The following RUVBL1 variants were observed in gnomAD, a reference collection of about 807,000 sequenced individuals.
RUVBL1 encodes ruvB-like 1.
A neutral mutation model predicts 52.4 loss-of-function variants in RUVBL1; 4 were observed. The observed-to-expected ratio is 0.08, with a 90% CI of 0.04 to 0.17. RUVBL1 has a LOEUF of 0.17. Ranked by LOEUF, RUVBL1 falls within the 10% of genes least tolerant of loss-of-function variation. RUVBL1 has a pLI of 1.00. For synonymous variants in RUVBL1, 217 were observed against 214.4 expected, an observed-to-expected ratio of 1.01 and a Z score of -0.10; for missense variants, 298 against 572.8, an observed-to-expected ratio of 0.52 and a Z score of 4.90.
upstream of RUVBL1, among the ~76,000 whole-genome samples, chr3:128,124,239 G>A (rs978428738): frequency 6.6e-6 from 1 of 151,842 alleles, no homozygotes. Flanking sequence ...CATCTCCCTG[G>A]AAAGGCCCAG....
chr3:128,067,404 G>C lies in RUVBL1; in HGVS notation c.940-2184C>G. 6.2e-7 allele frequency: 1 copy of C among 1,603,386 alleles called. No homozygotes were observed. Among genetic ancestry groups the C allele is most frequent in the Non-Finnish European group, 8.5e-7 (1 of 1,175,824 alleles). ...AATGAAGGAGCACTCACATGCGTTT[G>C]GTTTCTTCTTCCCCAGGACACGTCT... On this transcript the variant is annotated intron_variant, in intron 9 of 9. Coordinates refer to the RUVBL1 transcript ENST00000464873. This position sits in a 1 kb window ranked among gnomAD's most constrained non-coding sequence, Gnocchi z 4.1.
At chr3:128,121,370 A>G (rs957890878) in intron 1 of RUVBL1, among the ~76,000 whole-genome samples, 2 of 150,194 alleles carry the variant, frequency 1.3e-5, no homozygotes, top group Admixed American at 6.6e-5. Context: ...TGCTGGGATT[A>G]CAGGTGTGAG....
chr3:128,152,742 A>C (rs767472268), intron 1 of RUVBL1, among the ~76,000 whole-genome samples: 60 of 152,242 alleles, frequency 3.9e-4, no homozygotes, highest in Non-Finnish European at 6.6e-4. Context: ...TGAGTGTTAA[A>C]GCTCTTAAAG....
chr3:128,067,340 C>A lies in RUVBL1; in HGVS notation c.940-2120G>T. The A allele has an allele frequency of 6.9e-7, 1 of 1,450,256 alleles. No homozygotes were observed. Among genetic ancestry groups the A allele is most frequent in the Non-Finnish European group, 9.4e-7 (1 of 1,063,980 alleles). 89.8% of individuals were successfully genotyped at this position (1,450,256 alleles called of 1,614,324 possible). ...GGCACCGAGTAAAATTGCATTCTTTCATCTGCTCAGAACTATTTTTGCCTT... is the reference window on the plus strand; with the variant it reads ...GGCACCGAGTAAAATTGCATTCTTTAATCTGCTCAGAACTATTTTTGCCTT... On this transcript the variant is annotated intron_variant, in intron 9 of 9. Coordinates refer to the RUVBL1 transcript ENST00000464873. This position sits in a 1 kb window ranked among gnomAD's most constrained non-coding sequence, Gnocchi z 4.1.
intron 3 of RUVBL1, among the ~76,000 whole-genome samples, chr3:128,109,506 C>A (rs1030414172): frequency 1.3e-5 from 2 of 151,948 alleles, no homozygotes; most frequent in Admixed American, 6.6e-5. Flanking sequence ...CTCAGCCTCC[C>A]GATTTTGTTT....
At chr3:128,106,003 G>A (rs1943226692) in intron 3 of RUVBL1, among the ~76,000 whole-genome samples, 1 of 151,698 alleles carries the variant, frequency 6.6e-6, no homozygotes, top group South Asian at 2.1e-4. Flanking sequence ...CCAAGTAGCT[G>A]GGATTACAGG....
Position 128,067,461 on chromosome 3 carries a change from G to A in RUVBL1, c.940-2241C>T. ...GGCCCAGCACGTGCTTATCCAGTTG[G>A]TGGCCTTTGCTATTACCTGTCCCCT... On this transcript the variant is annotated intron_variant, in intron 9 of 9. Coordinates refer to the RUVBL1 transcript ENST00000464873. The surrounding 1 kb of genome is among the most constrained non-coding windows in gnomAD (Gnocchi z 4.1). 6.2e-7 allele frequency: 1 copy of A among 1,614,154 alleles called. No homozygotes were observed.
At chr3:128,070,490 G>A (rs1487585016) in intron 9 of RUVBL1, 1 of 152,292 alleles carries the variant, frequency 6.6e-6, no homozygotes, top group Non-Finnish European at 1.5e-5. Flanking sequence ...TCTCCTCGCA[G>A]CTGCCCTAGC....
intron 1 of RUVBL1, among the ~76,000 whole-genome samples, chr3:128,147,957 T>A (rs892784196): frequency 1.3e-5 from 2 of 152,172 alleles, no homozygotes; most frequent in Non-Finnish European, 2.9e-5. Flanking sequence ...CATGGATAAA[T>A]CTCAAATGCA....
At chr3:128,064,957 G>A in exon 10 of RUVBL1, 1 of 1,614,218 alleles carries the variant, frequency 6.2e-7, no homozygotes, top group Non-Finnish European at 8.5e-7. Flanking sequence ...CCTTCGGGAG[G>A]CGTTCTACCG....
At chr3:128,099,087 C>CA (rs1943056876) in intron 6 of RUVBL1, 142 bp from the exon 7 acceptor site, 1 of 674,812 alleles carries the variant, frequency 1.5e-6, no homozygotes, top group East Asian at 2.6e-5. Flanking sequence ...CTTCTAAACA[C>CA]AGAGGAATTT....
At chr3:128,066,766 T>C (rs753205199) in intron 9 of RUVBL1, 6 of 594,070 alleles carry the variant, frequency 1.0e-5, no homozygotes, top group South Asian at 2.1e-5. Context: ...CCCTTCTGGA[T>C]GTGCCAAGTG....
rs964730847 is a variant in RUVBL1 at position 128,082,687 on chromosome 3, T to C, written c.1120-113A>G. 2.0e-5 allele frequency: 18 copies of C among 880,192 alleles called. No individual in the cohort carries two copies. Among genetic ancestry groups the C allele is most frequent in the Middle Eastern group, 2.6e-4 (1 of 3,908 alleles). The allele number at this position is 880,192 out of a possible 1,614,324, so 54.5% of individuals were successfully genotyped here. ...TCTCACTGTGCAGCATAAGAGAAAC[T>C]GAGACCTGGGTTGGTGGGCAGGGAG... On this transcript the variant is annotated intron_variant, in intron 9 of 10. Transcript: ENST00000322623. This position sits in a 1 kb window ranked among gnomAD's most constrained non-coding sequence, Gnocchi z 4.7.
At chr3:128,150,843 A>T (rs1231402102) in intron 1 of RUVBL1, among the ~76,000 whole-genome samples, 9 of 84,270 alleles carry the variant, frequency 1.1e-4, no homozygotes, top group African/African-American at 4.4e-4. Context: ...TATATTCTAT[A>T]TATATTCTAT....
intron 9 of RUVBL1, chr3:128,065,373 T>G (rs191537712): frequency 1.8e-6 from 1 of 567,964 alleles, no homozygotes; most frequent in African/African-American, 1.9e-5. Context: ...TGCTCTCTTA[T>G]AGAAAGTTTG....
At chr3:128,090,464 T>A (rs569039912) in intron 8 of RUVBL1, among the ~76,000 whole-genome samples, 71 of 151,972 alleles carry the variant, frequency 4.7e-4, no homozygotes, top group South Asian at 2.3e-3. Context: ...GCTTGCAGTG[T>A]ACCGAGATCG....
At chr3:128,104,967 T>C in intron 3 of RUVBL1, 43 bp from the exon 4 acceptor site, 1 of 1,574,434 alleles carries the variant, frequency 6.4e-7, no homozygotes, top group Non-Finnish European at 8.7e-7. Context: ...AGCAGAATCT[T>C]TTCTCTCACA....
downstream of RUVBL1, among the ~76,000 whole-genome samples, chr3:128,076,498 G>C (rs1282299925): frequency 6.6e-6 from 1 of 152,202 alleles, no homozygotes; most frequent in South Asian, 2.1e-4. The surrounding 1 kb of genome is among the most constrained non-coding windows in gnomAD (Gnocchi z 6.8). Flanking sequence ...GGTCCTGACC[G>C]TCTAGTCTGG....
chr3:128,068,178 A>C (rs1942041566), intron 9 of RUVBL1: 1 of 718,844 alleles, frequency 1.4e-6, no homozygotes, highest in South Asian at 1.6e-5. Flanking sequence ...TCCTTGGGTT[A>C]CAGGACAGAA....
Sources: allele counts gnomAD v4.1 joint callset (sites outside exome capture counted in the v4.1 genomes callset), GRCh38; gene constraint gnomAD v4.1.1; non-coding constraint Gnocchi (gnomAD v3.1); transcripts MANE v1.5; gene names NCBI Gene and HGNC (gene_info 2026-07-23, HGNC 2026-07-21).